Variants in KCNQ5 observed in about 807,000 individuals in gnomAD.
KCNQ5 encodes the protein potassium voltage-gated channel subfamily KQT member 5.
Under a neutral mutation model 98.2 loss-of-function variants are expected in KCNQ5, and 30 were observed. The ratio of observed to expected loss-of-function variants is 0.31; its 90% confidence interval spans 0.23 to 0.41. The LOEUF (loss-of-function observed/expected upper bound fraction) is 0.41. Ranked by LOEUF, KCNQ5 falls within the 10% of genes least tolerant of loss-of-function variation. The pLI, the probability that KCNQ5 is intolerant of heterozygous loss-of-function variation, is 1.00. For synonymous variants in KCNQ5, 458 were observed against 449.4 expected (o/e 1.02, Z -0.24); for missense variants, 835 against 1,182.5 (o/e 0.71, Z 4.31).
intron 1 of KCNQ5, among the ~76,000 whole-genome samples, chr6:72,642,095 C>T (rs2098927499): frequency 6.6e-6 from 1 of 150,404 alleles, no homozygotes; most frequent in Non-Finnish European, 1.5e-5. Flanking sequence ...CTTAATTCCC[C>T]TTGTTATTAT....
intron 1 of KCNQ5, among the ~76,000 whole-genome samples, chr6:72,931,662 A>G (rs1765698690): frequency 6.6e-6 from 1 of 152,182 alleles, no homozygotes; most frequent in East Asian, 1.9e-4. Context: ...TAGTGGCTCC[A>G]GGCACCTCTG....
At chr6:73,085,325 T>C (rs1200417502) in intron 5 of KCNQ5, among the ~76,000 whole-genome samples, 2 of 152,158 alleles carry the variant, frequency 1.3e-5, no homozygotes, top group South Asian at 2.1e-4. Flanking sequence ...AAATGATGCA[T>C]GCACGCTCCA....
At chr6:73,145,188 C>T (rs1285639643) in intron 10 of KCNQ5, among the ~76,000 whole-genome samples, 1 of 152,188 alleles carries the variant, frequency 6.6e-6, no homozygotes. Context: ...ATTGTTAGCA[C>T]CTCATGTATC....
At chr6:73,030,830 A>C (rs962887473) in intron 2 of KCNQ5, among the ~76,000 whole-genome samples, 2 of 152,186 alleles carry the variant, frequency 1.3e-5, no homozygotes, top group African/African-American at 4.8e-5. Flanking sequence ...CCATGATCCC[A>C]AAGGTTTCCA....
Position 72,720,210 on chromosome 6 carries a change from A to G in KCNQ5, c.398+97623A>G, listed in dbSNP as rs188675947. Among the ~76,000 whole-genome samples the G allele has an allele frequency of 1.6e-3, 237 of 152,330 alleles. 1 individual carries two copies. The highest frequency in any genetic ancestry group is 5.5e-3 in the African/African-American group (230 of 41,576). ...ATCATCTCCGTTGCTTTTTACTGCT[A>G]TAAGTGCACAGTCCACTTAACCTTC... is the stretch of plus-strand genomic sequence containing the variant. On this transcript the variant is annotated intron_variant, in intron 1 of 13. Transcript: ENST00000370398.
intron 1 of KCNQ5, among the ~76,000 whole-genome samples, chr6:72,742,223 T>C (rs1436214406): frequency 6.6e-6 from 1 of 152,212 alleles, no homozygotes; most frequent in African/African-American, 2.4e-5. Context: ...TTCAGTATTC[T>C]TTATTGTAAA....
At chr6:72,921,271 C>T (rs1289707642) in intron 1 of KCNQ5, among the ~76,000 whole-genome samples, 1 of 152,126 alleles carries the variant, frequency 6.6e-6, no homozygotes, top group Non-Finnish European at 1.5e-5. Flanking sequence ...TTAGAGGCCA[C>T]TGTGCAGGAA....
intron 1 of KCNQ5, among the ~76,000 whole-genome samples, chr6:72,712,206 C>A (rs1241719348): frequency 6.6e-6 from 1 of 152,046 alleles, no homozygotes; most frequent in African/African-American, 2.4e-5. Context: ...AGAAACAGAT[C>A]TAGAATAAAA....
chr6:73,028,547 C>T (rs943474300), intron 2 of KCNQ5, among the ~76,000 whole-genome samples: 18 of 152,278 alleles, frequency 1.2e-4, no homozygotes, highest in African/African-American at 4.1e-4. Flanking sequence ...CTTCTTTTAT[C>T]TAGATTTTAC....
intron 2 of KCNQ5, among the ~76,000 whole-genome samples, chr6:73,023,509 C>T (rs1159914906): frequency 6.6e-6 from 1 of 152,046 alleles, no homozygotes; most frequent in Non-Finnish European, 1.5e-5. Flanking sequence ...ATAGTAGCCA[C>T]CATTATGATG....
chr6:72,666,772 T>C (rs181699735), intron 1 of KCNQ5, among the ~76,000 whole-genome samples: 62 of 152,240 alleles, frequency 4.1e-4, no homozygotes, highest in Non-Finnish European at 8.1e-4. Context: ...ACCTTGAGAG[T>C]GCATTATCAT....
intron 5 of KCNQ5, among the ~76,000 whole-genome samples, chr6:73,098,404 A>G (rs1463584879): frequency 6.6e-6 from 1 of 152,206 alleles, no homozygotes; most frequent in Non-Finnish European, 1.5e-5. Flanking sequence ...TCAATATTCA[A>G]GTAAAAGAAG....
chr6:73,160,359 C>T (rs1032551000), intron 10 of KCNQ5, among the ~76,000 whole-genome samples: 3 of 152,074 alleles, frequency 2.0e-5, no homozygotes, highest in Admixed American at 2.0e-4. Context: ...TTGTCTGTGA[C>T]TGTGTAAGCT....
intron 1 of KCNQ5, among the ~76,000 whole-genome samples, chr6:72,641,421 T>C (rs1308318790): frequency 6.6e-6 from 1 of 152,160 alleles, no homozygotes; most frequent in African/African-American, 2.4e-5. Flanking sequence ...CAGAAACATC[T>C]GTGCAGTCTT....
rs1338516820 is a variant in KCNQ5, at chr6:73,033,349, G to A, written c.490-8587G>A. 2.0e-5 allele frequency among the ~76,000 whole-genome samples: 3 copies of A among 152,250 alleles called. No individual in the cohort carries two copies. The East Asian group carries it at 5.8e-4, about 29-fold the overall frequency. ...CATTTTCAAACTATTGCCTCCCTAT[G>A]ATCTTCTGAAGAACCTCTGGGATAA... On this transcript the variant is annotated intron_variant, in intron 2 of 13. Transcript: ENST00000370398.
At chr6:72,980,206 C>A (rs1222577604) in intron 1 of KCNQ5, among the ~76,000 whole-genome samples, 1 of 152,128 alleles carries the variant, frequency 6.6e-6, no homozygotes, top group Non-Finnish European at 1.5e-5. Context: ...TTTTCCAATT[C>A]TCTAAAGAAA....
Position 72,697,008 on chromosome 6 carries a change from C to T in KCNQ5, c.398+74421C>T, listed in dbSNP as rs75421307. ...TCTGATATTTATTTGAGGTCAATCGCGGTATCATTCTTTAATTTCATATCT... is the reference window on the plus strand; with the variant it reads ...TCTGATATTTATTTGAGGTCAATCGTGGTATCATTCTTTAATTTCATATCT... On this transcript the variant is annotated intron_variant, in intron 1 of 13. Transcript: ENST00000370398. Among the ~76,000 whole-genome samples, 1,455 of 152,166 alleles carry T rather than the reference C, an allele frequency of 9.6e-3. 14 individuals are homozygous for T. Among genetic ancestry groups the T allele is most frequent in the East Asian group, 0.024 (124 of 5,170 alleles).
At chr6:73,147,918 G>C (rs1776988150) in intron 10 of KCNQ5, among the ~76,000 whole-genome samples, 1 of 152,094 alleles carries the variant, frequency 6.6e-6, no homozygotes, top group Non-Finnish European at 1.5e-5. Context: ...GTGACTCTAA[G>C]AAGATAATGA....
chr6:72,961,097 C>T (rs1767322870), intron 1 of KCNQ5, among the ~76,000 whole-genome samples: 1 of 152,198 alleles, frequency 6.6e-6, no homozygotes, highest in Admixed American at 6.5e-5. Flanking sequence ...TAGTGAGACC[C>T]TGTCTCCAAA....
Sources: gnomAD v4.1 joint callset for allele counts (sites outside exome capture counted in the v4.1 genomes callset) on GRCh38, gnomAD v4.1.1 for gene constraint, MANE v1.5 for transcripts, NCBI Gene and HGNC (gene_info 2026-07-23, HGNC 2026-07-21) for gene names.